RPP30: variants seen among roughly 807,000 people sequenced by gnomAD.
RPP30 encodes ribonuclease P/MRP subunit p30, also known as ribonuclease P protein subunit p30.
A neutral mutation model predicts 38.6 loss-of-function variants in RPP30; 36 were observed. The observed-to-expected ratio is 0.93, with a 90% CI of 0.71 to 1.23. The LOEUF (loss-of-function observed/expected upper bound fraction) is 1.23, where lower values mean the gene tolerates loss of function less well. Among genes scored for constraint, RPP30 ranks in the 50% most tolerant of loss-of-function variants. The pLI, the probability that RPP30 is intolerant of heterozygous loss-of-function variation, is 0.00. For synonymous variants in RPP30, 126 were observed against 112.7 expected (o/e 1.12, Z -0.75); for missense variants, 321 against 321.7 (o/e 1.00, Z 0.02).
intron 10 of RPP30, among the ~76,000 whole-genome samples, chr10:90,898,919 T>C (rs1847172778): frequency 6.6e-6 from 1 of 152,212 alleles, no homozygotes; most frequent in Non-Finnish European, 1.5e-5. Flanking sequence ...GACACCTGCC[T>C]TAGCCCCTTG....
chr10:90,884,705 G>A (rs1564712304), intron 5 of RPP30, among the ~76,000 whole-genome samples: 1 of 152,200 alleles, frequency 6.6e-6, no homozygotes, highest in African/African-American at 2.4e-5. Context: ...AGTGACTGAA[G>A]TGGGGATTCT....
chr10:90,879,480 A>G (rs569084133), intron 5 of RPP30, among the ~76,000 whole-genome samples: 1 of 151,782 alleles, frequency 6.6e-6, no homozygotes, highest in Non-Finnish European at 1.5e-5. Flanking sequence ...CCTTCTTACC[A>G]TTTGCTGCTC....
At chr10:90,872,743 C>T (rs1846798812) in intron 1 of RPP30, among the ~76,000 whole-genome samples, 2 of 152,176 alleles carry the variant, frequency 1.3e-5, no homozygotes, top group South Asian at 4.1e-4. Context: ...AACATCTGCT[C>T]CTCAGAGACA....
At chr10:90,907,233 A>G (rs548466683), downstream of RPP30, among the ~76,000 whole-genome samples, 22 of 152,330 alleles carry the variant, frequency 1.4e-4, no homozygotes, top group African/African-American at 5.3e-4. Flanking sequence ...AGCACTGGCA[A>G]GAGAAATGTC....
In RPP30 at chr10:90,901,003, T is replaced by C. The variant is rs543624998; in HGVS notation, c.*324T>C. ...TTTTTGTTTCATTTTGTTTTTGAGA[T>C]AGGGTCTTTGTTGCTCAGGCTGGAG... On this transcript the variant is annotated 3_prime_UTR_variant, in exon 11 of 11. Transcript: ENST00000371703. 30 of 968,850 alleles carry C rather than the reference T, an allele frequency of 3.1e-5. No homozygotes were observed. Among genetic ancestry groups the C allele is most frequent in the African/African-American group, 3.0e-4 (17 of 56,640 alleles). 60.0% of individuals were successfully genotyped at this position (968,850 alleles called of 1,614,324 possible).
downstream of RPP30, among the ~76,000 whole-genome samples, chr10:90,903,955 G>A (rs1847228470): frequency 6.6e-6 from 1 of 152,166 alleles, no homozygotes; most frequent in South Asian, 2.1e-4. Context: ...AAGACAAATT[G>A]TAAATCAAAT....
intron 8 of RPP30, 159 bp from the exon 9 acceptor site, chr10:90,895,721 T>G: frequency 1.8e-6 from 1 of 566,644 alleles, no homozygotes; most frequent in Non-Finnish European, 2.9e-6. Flanking sequence ...AAGCTTCTCT[T>G]ATATTTTCAA....
intron 10 of RPP30, 27 bp from the exon 11 acceptor site, chr10:90,900,542 CA>C: frequency 6.3e-7 from 1 of 1,595,492 alleles, no homozygotes; most frequent in Non-Finnish European, 8.5e-7. Context: ...TAACTTCAAG[CA>C]CAGTGGTTTC....
chr10:90,897,447 T>C lies in RPP30; in HGVS notation c.697+1055T>C, dbSNP rs80064235. 1.7e-3 allele frequency among the ~76,000 whole-genome samples: 260 copies of C among 152,376 alleles called. 2 individuals carry two copies. The highest frequency in any genetic ancestry group is 6.0e-3 in the African/African-American group (251 of 41,598). On this transcript the variant is annotated intron_variant, in intron 10 of 10. Coordinates refer to ENST00000371703, the MANE Select transcript of RPP30 (RefSeq NM_006413.5). Reference sequence around the variant, plus strand: ...AAATTAGATGATTTTGCTTTTAGTTTCAACATTTTTAGTTTGAGATTTTTG... The same window carrying C: ...AAATTAGATGATTTTGCTTTTAGTTCCAACATTTTTAGTTTGAGATTTTTG...
chr10:90,880,475 C>T (rs1434052096), intron 5 of RPP30, among the ~76,000 whole-genome samples: 2 of 152,064 alleles, frequency 1.3e-5, no homozygotes, highest in African/African-American at 4.8e-5. Context: ...TGCCTGTAAT[C>T]CTAGCACTTT....
intron 6 of RPP30, among the ~76,000 whole-genome samples, chr10:90,894,049 G>C (rs1173919538): frequency 1.3e-5 from 2 of 152,288 alleles, no homozygotes; most frequent in South Asian, 4.2e-4. Context: ...CTTGTATGGT[G>C]AGCTGGGCAA....
chr10:90,872,235 GA>G (rs1489828193), intron 1 of RPP30, 167 bp downstream of exon 1: 2 of 633,232 alleles, frequency 3.2e-6, no homozygotes, highest in African/African-American at 3.7e-5. Flanking sequence ...CCTAGCGCGG[GA>G]AACTCGAAGG....
chr10:90,893,578 C>T (rs1001194148), intron 6 of RPP30, among the ~76,000 whole-genome samples: 2 of 152,266 alleles, frequency 1.3e-5, no homozygotes, highest in South Asian at 2.1e-4. Flanking sequence ...ACAGTTGGCC[C>T]TTCCCATCCT....
intron 6 of RPP30, among the ~76,000 whole-genome samples, chr10:90,892,182 A>G (rs1459011715): frequency 6.6e-6 from 1 of 152,194 alleles, no homozygotes; most frequent in Non-Finnish European, 1.5e-5. Context: ...AGACATGAGA[A>G]CAAAAGCTAA....
At chr10:90,895,518 T>C in intron 8 of RPP30, 35 bp downstream of exon 8, 2 of 1,271,878 alleles carry the variant, frequency 1.6e-6, no homozygotes, top group Non-Finnish European at 2.1e-6. Context: ...TTTTCATCTT[T>C]CAGGTTATAA....
At chr10:90,883,000 A>G (rs1846951489) in intron 5 of RPP30, among the ~76,000 whole-genome samples, 1 of 152,116 alleles carries the variant, frequency 6.6e-6, no homozygotes, top group Non-Finnish European at 1.5e-5. Context: ...GCCATACTTA[A>G]TGAATCAATG....
In RPP30 at chr10:90,882,948, T is replaced by A. The variant is rs191517520; in HGVS notation, c.343-2864T>A. Among the ~76,000 whole-genome samples, 64 of 152,308 alleles carry A rather than the reference T, an allele frequency of 4.2e-4. No individual in the cohort carries two copies. The South Asian group carries it at 9.8e-3, about 23-fold the overall frequency. On this transcript the variant is annotated intron_variant, in intron 5 of 10. Transcript: ENST00000371703. Reference sequence around the variant, plus strand: ...TGCAGTATGGTCTGGCTCCACTGGCTTTAGAATTACCTGGGATATTTATTA... The same window carrying A: ...TGCAGTATGGTCTGGCTCCACTGGCATTAGAATTACCTGGGATATTTATTA...
intron 5 of RPP30, among the ~76,000 whole-genome samples, chr10:90,882,311 G>A (rs756689660): frequency 2.6e-5 from 4 of 152,034 alleles, no homozygotes; most frequent in Non-Finnish European, 4.4e-5. Flanking sequence ...TAAATTATTC[G>A]CATCTCTCAT....
chr10:90,879,185 G>C (rs745437678), intron 5 of RPP30, 51 bp downstream of exon 5: 1 of 1,423,106 alleles, frequency 7.0e-7, no homozygotes, highest in East Asian at 2.3e-5. Context: ...TATATAAGAA[G>C]TCTGATGTTC....
Sources: allele counts gnomAD v4.1 joint callset (sites outside exome capture counted in the v4.1 genomes callset), GRCh38; gene constraint gnomAD v4.1.1; transcripts MANE v1.5; gene names NCBI Gene and HGNC (gene_info 2026-07-23, HGNC 2026-07-21).